RTL4: variants seen among roughly 807,000 people sequenced by gnomAD.
RTL4 encodes the protein retrotransposon Gag like 4.
A neutral mutation model predicts 5.3 loss-of-function variants in RTL4; 4 were observed. The observed-to-expected ratio is 0.75, with a 90% confidence interval of 0.37 to 1.72. RTL4 has a LOEUF of 1.72. RTL4 is among the 40% of genes most tolerant of loss of function. RTL4 has a pLI of 0.04. For synonymous variants in RTL4, 98 were observed against 87.3 expected (o/e 1.12, Z -0.68); for missense variants, 260 against 227.1 (o/e 1.14, Z -0.93).
At chrX:112,274,802 C>T in the RTL4 span, among the ~76,000 whole-genome samples, 1 of 111,640 alleles carries the variant, frequency 9.0e-6, no homozygotes, top group Non-Finnish European at 1.9e-5. Context: ...TTAAAGTCTA[C>T]TTTTTGAGAC....
chrX:112,087,827 A>G, the RTL4 span, among the ~76,000 whole-genome samples: 1 of 111,413 alleles, frequency 9.0e-6, no homozygotes, highest in African/African-American at 3.3e-5. Context: ...ACAGAGCCTA[A>G]TATATAGCAG....
chrX:112,354,503 T>C, the RTL4 span, among the ~76,000 whole-genome samples: 1 of 111,962 alleles, frequency 8.9e-6, no homozygotes, highest in Admixed American at 9.5e-5. Context: ...CGTTTATTAC[T>C]TAATTTTTGC....
the RTL4 span, among the ~76,000 whole-genome samples, chrX:112,405,916 T>G: frequency 3.6e-5 from 4 of 110,706 alleles, no homozygotes; most frequent in East Asian, 1.1e-3. Context: ...TTTTGTCCCC[T>G]GGGGAGGGGA....
At chrX:112,288,164 G>T in the RTL4 span, among the ~76,000 whole-genome samples, 24 of 112,119 alleles carry the variant, frequency 2.1e-4, no homozygotes, top group African/African-American at 7.4e-4. Context: ...GACTTATGAA[G>T]GCTGCAAATA....
At chrX:112,259,744 C>T in the RTL4 span, among the ~76,000 whole-genome samples, 1 of 111,538 alleles carries the variant, frequency 9.0e-6, no homozygotes, top group African/African-American at 3.3e-5. Flanking sequence ...GACTCATTCA[C>T]TAATGATAAG....
the RTL4 span, among the ~76,000 whole-genome samples, chrX:112,211,445 C>T: frequency 1.8e-5 from 2 of 112,055 alleles, no homozygotes; most frequent in Non-Finnish European, 1.9e-5. Context: ...AATGTGCATT[C>T]GAACATTTGC....
the RTL4 span, among the ~76,000 whole-genome samples, chrX:112,409,792 G>A: frequency 1.8e-5 from 2 of 109,142 alleles, no homozygotes; most frequent in African/African-American, 6.7e-5. Context: ...CTAAAAAGAA[G>A]ACAGGAAAGA....
the RTL4 span, among the ~76,000 whole-genome samples, chrX:112,109,589 A>G: frequency 1.8e-5 from 2 of 111,812 alleles, no homozygotes; most frequent in Non-Finnish European, 3.8e-5. Context: ...GTGCTTTTTT[A>G]CAGAGCACTG....
chrX:112,137,299 A>T, the RTL4 span, among the ~76,000 whole-genome samples: 2 of 112,209 alleles, frequency 1.8e-5, no homozygotes, highest in East Asian at 5.6e-4. Context: ...AACCACAATG[A>T]GATAATCACC....
the RTL4 span, among the ~76,000 whole-genome samples, chrX:112,377,175 A>C: frequency 2.7e-5 from 3 of 111,846 alleles, no homozygotes; most frequent in African/African-American, 9.7e-5. Context: ...AGAAGAGAGA[A>C]CAATGCCCAA....
At chrX:112,329,441 C>G in the RTL4 span, among the ~76,000 whole-genome samples, 6 of 111,317 alleles carry the variant, frequency 5.4e-5, no homozygotes, top group Non-Finnish European at 1.1e-4. Context: ...CACATACACT[C>G]TCCCAAGACT....
the RTL4 span, among the ~76,000 whole-genome samples, chrX:112,329,216 A>G: frequency 1.8e-5 from 2 of 111,555 alleles, no homozygotes; most frequent in South Asian, 7.5e-4. Flanking sequence ...TAATGAATCC[A>G]GGAGCTGGTT....
the RTL4 span, among the ~76,000 whole-genome samples, chrX:112,262,926 C>T: frequency 9.8e-6 from 1 of 102,543 alleles, no homozygotes; most frequent in Non-Finnish European, 2.0e-5. Flanking sequence ...CCATCATTCT[C>T]AGCAAACTAT....
chrX:112,141,777 G>A, the RTL4 span, among the ~76,000 whole-genome samples: 1 of 111,452 alleles, frequency 9.0e-6, no homozygotes, highest in Non-Finnish European at 1.9e-5. Flanking sequence ...ATAAATGTTG[G>A]TGGAGACATG....
At chrX:112,380,902 T>C in the RTL4 span, among the ~76,000 whole-genome samples, 1 of 111,142 alleles carries the variant, frequency 9.0e-6, no homozygotes, top group Non-Finnish European at 1.9e-5. Flanking sequence ...AGAGATGGGG[T>C]CCCGAGGGCA....
the RTL4 span, among the ~76,000 whole-genome samples, chrX:112,247,257 C>G: frequency 1.8e-5 from 2 of 110,991 alleles, no homozygotes; most frequent in African/African-American, 3.3e-5. Flanking sequence ...TTTTAATTAT[C>G]CCCTCCAAAA....
the RTL4 span, among the ~76,000 whole-genome samples, chrX:112,164,989 C>T: frequency 8.9e-6 from 1 of 111,925 alleles, no homozygotes; most frequent in Non-Finnish European, 1.9e-5. Flanking sequence ...ATTAGCAGGC[C>T]GCATTCATTC....
the RTL4 span, among the ~76,000 whole-genome samples, chrX:112,301,973 A>AT: frequency 9.2e-6 from 1 of 108,628 alleles, no homozygotes; most frequent in Non-Finnish European, 1.9e-5. Flanking sequence ...AAGAAAAAAA[A>AT]AAAAAGGTCA....
chrX:112,177,936 G>A, the RTL4 span, among the ~76,000 whole-genome samples: 1 of 108,440 alleles, frequency 9.2e-6, no homozygotes, highest in Admixed American at 9.9e-5. Context: ...AGAAACAGGA[G>A]TGTCTAAGTA....
Sources: allele counts gnomAD v4.1 joint callset (sites outside exome capture counted in the v4.1 genomes callset), GRCh38; gene constraint gnomAD v4.1.1; transcripts MANE v1.5; gene names NCBI Gene and HGNC (gene_info 2026-07-23, HGNC 2026-07-21).